Variants in ZNF286A observed in about 807,000 individuals in gnomAD.
ZNF286A encodes the protein zinc finger protein 286A.
ZNF286A carries 34 observed loss-of-function variants against 49.3 expected under a neutral mutation model. The ratio of observed to expected loss-of-function variants is 0.69; its 90% CI spans 0.52 to 0.92. The LOEUF (loss-of-function observed/expected upper bound fraction) is 0.92, where lower values mean the gene tolerates loss of function less well. ZNF286A is among the 40% of genes least tolerant of loss of function. The pLI is 0.00. For missense variants in ZNF286A, 462 were observed against 600.2 expected (o/e 0.77, Z 2.41); for synonymous variants, 155 against 200.4 (o/e 0.77, Z 1.91).
intron 3 of ZNF286A, 29 bp downstream of exon 3, chr17:15,701,269 A>G (rs1296716497): frequency 3.1e-6 from 5 of 1,610,594 alleles, no homozygotes; most frequent in Non-Finnish European, 3.4e-6. Context: ...TTGGAATTAC[A>G]CCTTGTTTCT....
intron 3 of ZNF286A, chr17:15,704,936 C>A: frequency 3.9e-6 from 6 of 1,547,648 alleles, no homozygotes; most frequent in Non-Finnish European, 5.2e-6. Flanking sequence ...CCCCCGGCCC[C>A]CTTCCTGCGT....
At chr17:15,708,335 T>C in intron 5 of ZNF286A, 88 bp downstream of exon 5, 3 of 1,016,616 alleles carry the variant, frequency 3.0e-6, no homozygotes, top group Non-Finnish European at 4.0e-6. Context: ...AGTGCCTGTG[T>C]GCCCTTATTT....
Position 15,714,888 on chromosome 17 carries a change from A to G in ZNF286A, c.335-1171A>G, listed in dbSNP as rs1966949577. Among the ~76,000 whole-genome samples the G allele has an allele frequency of 3.9e-5, 6 of 152,156 alleles. No homozygotes were observed. In the East Asian group the frequency reaches 7.7e-4, roughly 20 times the overall value. On this transcript the variant is annotated intron_variant, in intron 5 of 5. Transcript: ENST00000583566. ...GACTCATCTAACTTAATTTTCTTCT[A>G]ATAGTTAATCAGTTGCCATGGCATC...
rs150269271 is a variant in ZNF286A at position 15,717,178 on chromosome 17, A to G, written c.1454A>G (p.Gln485Arg). 19 of 1,609,114 alleles carry G rather than the reference A, an allele frequency of 1.2e-5. No homozygotes were observed. In the African/African-American group the frequency reaches 2.0e-4, roughly 17 times the overall value. The change falls in exon 6 of 6, where the codon CAG becomes CGG. Residue 485 changes from glutamine to arginine, a missense_variant. By Grantham distance (43) the Gln-to-Arg change is conservative (BLOSUM62 1). Transcript: ENST00000583566. ...CATTCATCAGCTCTCATTCAACATC[A>G]GAGAACTCATACCGGAGAGAAACCC... Reference protein sequence around the residue: ...FIHSSALIQHQRTHTGEKPFR... With the variant: ...FIHSSALIQHRRTHTGEKPFR...
intron 4 of ZNF286A, among the ~76,000 whole-genome samples, chr17:15,707,801 A>G (rs952589360): frequency 6.6e-6 from 1 of 152,142 alleles, no homozygotes; most frequent in Admixed American, 6.5e-5. Context: ...AGAGGTTGAG[A>G]CCATATTCCG....
intron 3 of ZNF286A, chr17:15,704,872 G>T: frequency 1.9e-6 from 3 of 1,611,552 alleles, no homozygotes; most frequent in Non-Finnish European, 2.5e-6. Flanking sequence ...GATGATGTGC[G>T]GGGGCAGTTT....
At chr17:15,708,845 A>C (rs1990437233) in intron 5 of ZNF286A, among the ~76,000 whole-genome samples, 1 of 152,212 alleles carries the variant, frequency 6.6e-6, no homozygotes, top group Non-Finnish European at 1.5e-5. Flanking sequence ...TATTCTTCTG[A>C]AGATGAGTAT....
chr17:15,709,492 A>C (rs971521197), intron 5 of ZNF286A, among the ~76,000 whole-genome samples: 5 of 148,354 alleles, frequency 3.4e-5, no homozygotes, highest in Non-Finnish European at 7.5e-5. Flanking sequence ...ACTGTGTCTC[A>C]AAAAAAAAAC....
rs1289014561 is a variant in ZNF286A at position 15,712,155 on chromosome 17, AG to A, written c.335-3903del. Among the ~76,000 whole-genome samples the A allele has an allele frequency of 2.6e-5, 4 of 152,364 alleles. No individual in the cohort carries two copies. In the East Asian group the frequency reaches 7.7e-4, roughly 29 times the overall value. ...CCAAAGTGCTGGGATTACAGGCGTG[AG>A]CCACTGCGTCCAGCAATAATCTCCC... On this transcript the variant is annotated intron_variant, in intron 5 of 5. Coordinates refer to ENST00000583566, the MANE Select transcript of ZNF286A (RefSeq NM_001130842.2).
chr17:15,712,204 G>A (rs1481839433), intron 5 of ZNF286A, among the ~76,000 whole-genome samples: 33 of 151,616 alleles, frequency 2.2e-4, no homozygotes, highest in South Asian at 4.2e-4. Flanking sequence ...TGTATAACTA[G>A]TTTTAAAAGT....
chr17:15,704,677 G>A, intron 3 of ZNF286A: 2 of 1,613,858 alleles, frequency 1.2e-6, no homozygotes, highest in Admixed American at 1.7e-5. Flanking sequence ...GTAGCCCTTG[G>A]GTGGGGAGGC....
chr17:15,704,818 G>C, intron 3 of ZNF286A: 7 of 1,613,770 alleles, frequency 4.3e-6, no homozygotes, highest in Non-Finnish European at 5.9e-6. Flanking sequence ...GATGCCATCG[G>C]GTGGGTCTGC....
At chr17:15,704,391 G>C (rs1990032912) in intron 3 of ZNF286A, 1 of 1,607,246 alleles carries the variant, frequency 6.2e-7, no homozygotes, top group Non-Finnish European at 8.5e-7. Flanking sequence ...CACTGGCCAG[G>C]GCCCGCCCGG....
intron 3 of ZNF286A, among the ~76,000 whole-genome samples, chr17:15,702,480 A>G (rs977167857): frequency 4.0e-5 from 6 of 150,126 alleles, no homozygotes; most frequent in Non-Finnish European, 8.9e-5. Flanking sequence ...GGGCTACTGC[A>G]CTCCAGCCTG....
At chr17:15,708,023 T>TA (rs531083403) in intron 4 of ZNF286A, 132 bp from the exon 5 acceptor site, 111 of 500,690 alleles carry the variant, frequency 2.2e-4, no homozygotes, top group Middle Eastern at 5.7e-4. Context: ...TTTTATAAAT[T>TA]AAAAAAAAAG....
intron 3 of ZNF286A, chr17:15,704,898 C>A (rs1246847374): frequency 1.3e-5 from 21 of 1,607,054 alleles, no homozygotes; most frequent in Non-Finnish European, 1.7e-5. Context: ...CGTTGGAGTT[C>A]ATGGCTGCGG....
rs1239570576 is a variant in ZNF286A at position 15,718,754 on chromosome 17, A to T, written c.*1464A>T. 6.7e-6 allele frequency: 1 copy of T among 149,186 alleles called. No individual in the cohort carries two copies. Among genetic ancestry groups the T allele is most frequent in the Non-Finnish European group, 1.5e-5 (1 of 67,766 alleles). The allele number at this position is 149,186 out of a possible 1,614,324, so 9.2% of individuals were successfully genotyped here. On this transcript the variant is annotated 3_prime_UTR_variant, in exon 6 of 6. Coordinates refer to ENST00000583566, the MANE Select transcript of ZNF286A (RefSeq NM_001130842.2). ...GTTGTCTGTATCGGTTCAATCTCAC[A>T]CTGCTATAAAGAAATGCCTGAGACT... is the stretch of plus-strand genomic sequence containing the variant.
chr17:15,707,088 G>A (rs539245992), intron 4 of ZNF286A, among the ~76,000 whole-genome samples: 1 of 152,286 alleles, frequency 6.6e-6, no homozygotes, highest in African/African-American at 2.4e-5. Context: ...ATGATTGTAT[G>A]AGGGGTGGAG....
Position 15,717,415 on chromosome 17 carries a change from T to A in ZNF286A, c.*125T>A. On this transcript the variant is annotated 3_prime_UTR_variant, in exon 6 of 6. Transcript: ENST00000583566. ...CAATTCTGTATGCATCTAATTTCAT[T>A]TGCGTAATACATAGTTTTGAGCCAT... 6.9e-7 allele frequency: 1 copy of A among 1,443,934 alleles called. No individual in the cohort carries two copies. The highest frequency in any genetic ancestry group is 9.2e-7 in the Non-Finnish European group (1 of 1,084,638). The allele number at this position is 1,443,934 out of a possible 1,614,324, so 89.4% of individuals were successfully genotyped here.
Sources: gnomAD v4.1 joint callset for allele counts (sites outside exome capture counted in the v4.1 genomes callset) on GRCh38, gnomAD v4.1.1 for gene constraint, MANE v1.5 for transcripts, NCBI Gene and HGNC (gene_info 2026-07-23, HGNC 2026-07-21) for gene names.